Variants in GPR158 observed in about 807,000 individuals in gnomAD.
GPR158 encodes G protein-coupled receptor 158.
In GPR158, 30 loss-of-function variants were observed where a neutral mutation model predicts 78.2. The observed-to-expected ratio is 0.38, with a 90% CI of 0.29 to 0.52. The LOEUF is 0.52. Ranked by LOEUF, GPR158 falls within the 20% of genes least tolerant of loss-of-function variation. The pLI is 0.83. For synonymous variants in GPR158, 581 were observed against 591.1 expected, an observed-to-expected ratio of 0.98 and a Z score of 0.25; for missense variants, 1,463 against 1,523.5, an observed-to-expected ratio of 0.96 and a Z score of 0.66.
At chr10:25,178,469 C>T (rs764461035) in intron 1 of GPR158, among the ~76,000 whole-genome samples, 21 of 152,234 alleles carry the variant, frequency 1.4e-4, no homozygotes, top group Non-Finnish European at 2.9e-4. Context: ...TAAATGAACT[C>T]AGTGCCTTCT....
intron 4 of GPR158, among the ~76,000 whole-genome samples, chr10:25,464,370 C>T (rs1835395466): frequency 6.6e-6 from 1 of 152,140 alleles, no homozygotes; most frequent in Non-Finnish European, 1.5e-5. Context: ...GCATTCATCT[C>T]CTCTTGGGTC....
intron 5 of GPR158, among the ~76,000 whole-genome samples, chr10:25,549,095 T>C (rs1007866228): frequency 4.6e-5 from 7 of 152,200 alleles, no homozygotes; most frequent in Non-Finnish European, 7.3e-5. Flanking sequence ...AAGAATCCAC[T>C]GTTTCAGAAG....
intron 2 of GPR158, among the ~76,000 whole-genome samples, chr10:25,376,752 T>C (rs1341896385): frequency 6.6e-6 from 1 of 151,754 alleles, no homozygotes; most frequent in Non-Finnish European, 1.5e-5. Context: ...TTGATGGATA[T>C]TTTTATAGTG....
At chr10:25,206,950 G>A (rs1363232032) in intron 1 of GPR158, among the ~76,000 whole-genome samples, 1 of 151,076 alleles carries the variant, frequency 6.6e-6, no homozygotes, top group Non-Finnish European at 1.5e-5. Flanking sequence ...TTATTCCAGA[G>A]TTTCAAGTCT....
chr10:25,379,268 TGAATGTCA>T (rs146839475), intron 2 of GPR158, among the ~76,000 whole-genome samples: 1,629 of 152,312 alleles, frequency 0.011, 27 homozygotes, highest in African/African-American at 0.029. Flanking sequence ...AATTTGAGAT[TGAATGTCA>T]GGCATCGTGT....
intron 4 of GPR158, among the ~76,000 whole-genome samples, chr10:25,415,602 G>A (rs1260709486): frequency 1.3e-5 from 2 of 151,938 alleles, no homozygotes; most frequent in South Asian, 4.1e-4. Flanking sequence ...CCCTCAAAAA[G>A]TTAAAAATTG....
chr10:25,464,682 A>G (rs776230505), intron 4 of GPR158, among the ~76,000 whole-genome samples: 1 of 152,226 alleles, frequency 6.6e-6, no homozygotes, highest in Non-Finnish European at 1.5e-5. Flanking sequence ...TGTCTTCTTC[A>G]TCGTACCTTG....
intron 4 of GPR158, among the ~76,000 whole-genome samples, chr10:25,418,098 T>C (rs775512278): frequency 2.6e-5 from 4 of 152,128 alleles, no homozygotes; most frequent in Non-Finnish European, 5.9e-5. Context: ...GAAGCAAATA[T>C]GTGTAGGGGT....
chr10:25,403,764 T>G (rs1834475533), intron 3 of GPR158, among the ~76,000 whole-genome samples: 1 of 152,072 alleles, frequency 6.6e-6, no homozygotes, highest in East Asian at 1.9e-4. Context: ...ATTAAATTTC[T>G]TAAGCATACA....
chr10:25,505,125 T>C (rs1161927328), intron 5 of GPR158, among the ~76,000 whole-genome samples: 1 of 152,234 alleles, frequency 6.6e-6, no homozygotes, highest in Non-Finnish European at 1.5e-5. Flanking sequence ...TAACACATAA[T>C]AGACATTGTA....
chr10:25,395,073 G>A (rs1276778073), intron 2 of GPR158, among the ~76,000 whole-genome samples: 1 of 152,100 alleles, frequency 6.6e-6, no homozygotes, highest in East Asian at 1.9e-4. Flanking sequence ...TGTAGTTTTT[G>A]TAGTTTAGTA....
intron 2 of GPR158, among the ~76,000 whole-genome samples, chr10:25,262,670 C>T (rs1027022183): frequency 6.6e-6 from 1 of 152,182 alleles, no homozygotes; most frequent in Non-Finnish European, 1.5e-5. Context: ...CCACTGTCTA[C>T]ATTCTGCACC....
chr10:25,494,695 G>A (rs561645096), intron 5 of GPR158, among the ~76,000 whole-genome samples: 33 of 151,872 alleles, frequency 2.2e-4, no homozygotes, highest in Non-Finnish European at 4.7e-4. Flanking sequence ...TGTTTCAGGC[G>A]ATTTTAAACC....
At chr10:25,541,771 A>G (rs981461675) in intron 5 of GPR158, among the ~76,000 whole-genome samples, 5 of 151,872 alleles carry the variant, frequency 3.3e-5, no homozygotes, top group African/African-American at 1.2e-4. Flanking sequence ...TTAGTTTAGT[A>G]CTAGTATGAC....
rs144753965 is a variant in GPR158, at chr10:25,594,134, T to G, written c.1893-158T>G. ...ATTATGCATCAAATTAAGCTTAGAC[T>G]TTATTCTTTTGAGATGAAAATATAT... On this transcript the variant is annotated intron_variant, in intron 8 of 10. Transcript: ENST00000376351. 2.1e-3 allele frequency: 1,160 copies of G among 560,046 alleles called. 4 individuals are homozygous for G. The highest frequency in any genetic ancestry group is 0.02 in the African/African-American group (1,036 of 51,218). 34.7% of individuals were successfully genotyped at this position (560,046 alleles called of 1,614,324 possible).
At chr10:25,556,215 T>C (rs1489229515) in intron 6 of GPR158, among the ~76,000 whole-genome samples, 1 of 152,246 alleles carries the variant, frequency 6.6e-6, no homozygotes, top group East Asian at 1.9e-4. Flanking sequence ...GGCCAAAATA[T>C]AAATGCCTCT....
chr10:25,582,888 A>G (rs11014627), intron 7 of GPR158, among the ~76,000 whole-genome samples: 14,809 of 152,206 alleles, frequency 0.097, 964 homozygotes, highest in African/African-American at 0.18. Flanking sequence ...CAGGCTATTC[A>G]ATTCTAATTA....
intron 5 of GPR158, among the ~76,000 whole-genome samples, chr10:25,529,912 A>G (rs997935275): frequency 6.6e-6 from 1 of 152,076 alleles, no homozygotes; most frequent in Non-Finnish European, 1.5e-5. Flanking sequence ...CAAGCAACCA[A>G]CAATTGTTTT....
At chr10:25,230,942 G>A (rs916063979) in intron 2 of GPR158, among the ~76,000 whole-genome samples, 4 of 152,040 alleles carry the variant, frequency 2.6e-5, no homozygotes, top group African/African-American at 9.7e-5. Context: ...TATATGTTTG[G>A]ACTAGATACC....
Sources: allele counts gnomAD v4.1 joint callset (sites outside exome capture counted in the v4.1 genomes callset), GRCh38; gene constraint gnomAD v4.1.1; transcripts MANE v1.5; gene names NCBI Gene and HGNC (gene_info 2026-07-23, HGNC 2026-07-21).